TMEM135: variants seen among roughly 807,000 people sequenced by gnomAD.
TMEM135 encodes peroxisomal membrane protein 52.
Under a neutral mutation model 60.3 loss-of-function variants are expected in TMEM135, and 30 were observed. That is an observed-to-expected ratio of 0.50 (90% CI 0.37 to 0.68). The LOEUF (loss-of-function observed/expected upper bound fraction) is 0.68, where lower values mean the gene tolerates loss of function less well. Among genes scored for constraint, TMEM135 ranks in the 30% least tolerant of loss-of-function variants. The probability of loss-of-function intolerance (pLI) is 0.00; values close to 1 mark genes in which losing one functional copy is unlikely to be tolerated. For missense variants in TMEM135, 468 were observed against 548.8 expected (o/e 0.85, Z 1.47); for synonymous variants, 190 against 186.7 (o/e 1.02, Z -0.14).
intron 6 of TMEM135, among the ~76,000 whole-genome samples, chr11:87,270,603 G>T (rs1290996775): frequency 6.6e-6 from 1 of 152,016 alleles, no homozygotes; most frequent in Non-Finnish European, 1.5e-5. Context: ...AATATGAAGA[G>T]GAATTAAATC....
chr11:87,318,367 G>GT, intron 13 of TMEM135, 132 bp downstream of exon 13: 1 of 721,432 alleles, frequency 1.4e-6, no homozygotes, highest in Non-Finnish European at 2.3e-6. Flanking sequence ...TTTTTGTTTT[G>GT]TTTTGTTTTT....
chr11:87,097,356 T>C (rs765614365), intron 4 of TMEM135, among the ~76,000 whole-genome samples: 130 of 152,132 alleles, frequency 8.5e-4, no homozygotes, highest in Non-Finnish European at 1.5e-3. Context: ...AACTGGAAAG[T>C]AAATTAATGA....
At chr11:87,104,358 CAG>C (rs913546251) in intron 4 of TMEM135, among the ~76,000 whole-genome samples, 16 of 152,042 alleles carry the variant, frequency 1.1e-4, no homozygotes, top group African/African-American at 3.6e-4. Flanking sequence ...ATTTTAAAAT[CAG>C]GGAATGTGAT....
At chr11:87,116,359 A>G (rs1297276009) in intron 4 of TMEM135, among the ~76,000 whole-genome samples, 1 of 152,214 alleles carries the variant, frequency 6.6e-6, no homozygotes, top group Non-Finnish European at 1.5e-5. Context: ...CAATCAGAAT[A>G]TGGAAGTCAT....
At chr11:87,114,099 A>G (rs1857818703) in intron 4 of TMEM135, among the ~76,000 whole-genome samples, 1 of 152,066 alleles carries the variant, frequency 6.6e-6, no homozygotes. Context: ...AAATATAGAC[A>G]TTTTCAGCCA....
At chr11:87,195,391 T>TTCCTTCCG in intron 5 of TMEM135, among the ~76,000 whole-genome samples, 2 of 65,792 alleles carry the variant, frequency 3.0e-5, no homozygotes, top group African/African-American at 1.1e-4. Flanking sequence ...CCTTCCTTCC[T>TTCCTTCCG]TCTCTCTCTC....
chr11:87,238,173 A>G (rs1424347732), intron 6 of TMEM135, among the ~76,000 whole-genome samples: 1 of 151,984 alleles, frequency 6.6e-6, no homozygotes. Flanking sequence ...TATTTTGAGT[A>G]TATACCCAGC....
chr11:87,194,732 G>A lies in TMEM135; in HGVS notation c.462+37326G>A, dbSNP rs190405721. Among the ~76,000 whole-genome samples the A allele has an allele frequency of 2.0e-5, 3 of 150,974 alleles. No homozygotes were observed. The East Asian group carries it at 5.8e-4, about 29-fold the overall frequency. On this transcript the variant is annotated intron_variant, in intron 5 of 14. Coordinates refer to ENST00000305494, the MANE Select transcript of TMEM135 (RefSeq NM_022918.4). ...TCTTCCATAATTCTCTTTGAAGTCA[G>A]TAGTTGCTGTAAGTATGGAAATAGA...
intron 5 of TMEM135, among the ~76,000 whole-genome samples, chr11:87,199,614 AAGG>A (rs1940048196): frequency 1.3e-5 from 2 of 152,150 alleles, no homozygotes; most frequent in Admixed American, 6.5e-5. Flanking sequence ...GGTCTGAGTA[AAGG>A]AGAAGATGGA....
intron 5 of TMEM135, among the ~76,000 whole-genome samples, chr11:87,220,337 A>G (rs373100353): frequency 3.3e-4 from 51 of 152,318 alleles, no homozygotes; most frequent in African/African-American, 1.1e-3. Flanking sequence ...CAAGTCCTAT[A>G]TTTAACACAC....
Position 87,041,433 on chromosome 11 carries a change from G to A in TMEM135, c.141+3247G>A, listed in dbSNP as rs891201751. Among the ~76,000 whole-genome samples the A allele has an allele frequency of 4.6e-5, 7 of 152,038 alleles. No homozygotes were observed. The South Asian group carries it at 1.0e-3, about 23-fold the overall frequency. ...TAAATCTGGTAGCACTGGGAAGACC[G>A]GATAGAAAAGATTTTTGAGAAATTG... is the stretch of plus-strand genomic sequence containing the variant. On this transcript the variant is annotated intron_variant, in intron 1 of 14. Coordinates refer to ENST00000305494, the MANE Select transcript of TMEM135 (RefSeq NM_022918.4).
At chr11:87,273,832 A>G (rs12295149) in intron 6 of TMEM135, among the ~76,000 whole-genome samples, 49,502 of 152,100 alleles carry the variant, frequency 0.33, 9,521 homozygotes, top group Non-Finnish European at 0.43. Flanking sequence ...AGTAACAGGC[A>G]TATTAAATAA....
intron 4 of TMEM135, among the ~76,000 whole-genome samples, chr11:87,105,019 CTT>C (rs1205800217): frequency 2.0e-5 from 3 of 152,178 alleles, no homozygotes; most frequent in African/African-American, 7.2e-5. Flanking sequence ...CTGCTTTCAA[CTT>C]TTCACTGTTG....
intron 5 of TMEM135, among the ~76,000 whole-genome samples, chr11:87,172,481 G>A (rs973552399): frequency 2.9e-4 from 44 of 150,664 alleles, no homozygotes; most frequent in African/African-American, 1.0e-3. Context: ...TATTCTGAAT[G>A]ATTTATTAGA....
chr11:87,076,179 G>C (rs1312370824), intron 3 of TMEM135, among the ~76,000 whole-genome samples: 1 of 152,210 alleles, frequency 6.6e-6, no homozygotes, highest in Non-Finnish European at 1.5e-5. Context: ...CTGGGAGCCA[G>C]GGATAGGAGT....
At chr11:87,193,195 C>T (rs1194623547) in intron 5 of TMEM135, among the ~76,000 whole-genome samples, 1 of 152,036 alleles carries the variant, frequency 6.6e-6, no homozygotes, top group African/African-American at 2.4e-5. Context: ...TGATACACAG[C>T]AGTGGAGTGG....
chr11:87,192,852 C>T (rs1437658640), intron 5 of TMEM135, among the ~76,000 whole-genome samples: 6 of 152,072 alleles, frequency 3.9e-5, no homozygotes, highest in Non-Finnish European at 8.8e-5. Flanking sequence ...TGGTGGCTCA[C>T]GCCTGTAATT....
intron 10 of TMEM135, among the ~76,000 whole-genome samples, chr11:87,310,258 C>T (rs775522103): frequency 2.6e-5 from 4 of 152,192 alleles, no homozygotes; most frequent in Admixed American, 6.6e-5. Context: ...TATAAGCCCA[C>T]GCCTAAACAT....
At chr11:87,075,339 A>G (rs1414827525) in intron 3 of TMEM135, among the ~76,000 whole-genome samples, 1 of 151,350 alleles carries the variant, frequency 6.6e-6, no homozygotes, top group Admixed American at 6.6e-5. Flanking sequence ...TATTTTTAGT[A>G]GAGACGGGAT....
Sources: gnomAD v4.1 joint callset for allele counts (sites outside exome capture counted in the v4.1 genomes callset) on GRCh38, gnomAD v4.1.1 for gene constraint, MANE v1.5 for transcripts, NCBI Gene and HGNC (gene_info 2026-07-23, HGNC 2026-07-21) for gene names.